Variants in SLC24A2 observed in about 807,000 individuals in gnomAD.
The protein encoded by SLC24A2 is sodium/potassium/calcium exchanger 2.
A neutral mutation model predicts 62.0 loss-of-function variants in SLC24A2; 36 were observed. The ratio of observed to expected loss-of-function variants is 0.58; its 90% CI spans 0.44 to 0.77. The LOEUF (loss-of-function observed/expected upper bound fraction) is 0.77, where lower values mean the gene tolerates loss of function less well. SLC24A2 is among the 30% of genes least tolerant of loss of function. The pLI, the probability that SLC24A2 is intolerant of heterozygous loss-of-function variation, is 0.00. For missense variants in SLC24A2, 846 were observed against 817.9 expected, an observed-to-expected ratio of 1.03 and a Z score of -0.42; for synonymous variants, 358 against 294.0, an observed-to-expected ratio of 1.22 and a Z score of -2.23.
the SLC24A2 span, among the ~76,000 whole-genome samples, chr9:20,098,782 T>A: frequency 6.6e-6 from 1 of 152,204 alleles, no homozygotes; most frequent in Non-Finnish European, 1.5e-5. Context: ...AAGGGAAAGA[T>A]ATGGTTAAAT....
rs1027461804 is a variant in SLC24A2 at position 19,631,152 on chromosome 9, T to C, written c.931-8853A>G. ...TGATATTATTCCACAGTACCTAGCA[T>C]AGTGGTGCTCAATGCTCAGTAAATG... is the stretch of plus-strand genomic sequence containing the variant. On this transcript the variant is annotated intron_variant, in intron 2 of 10. Transcript: ENST00000341998. Among the ~76,000 whole-genome samples, 126 of 152,238 alleles carry C rather than the reference T, an allele frequency of 8.3e-4. 5 individuals carry two copies. Among genetic ancestry groups the C allele is most frequent in the Non-Finnish European group, 4.4e-5 (3 of 68,032 alleles).
the SLC24A2 span, among the ~76,000 whole-genome samples, chr9:19,930,463 A>G: frequency 6.6e-5 from 10 of 152,210 alleles, no homozygotes; most frequent in Admixed American, 5.9e-4. Context: ...TTCGTGTAAC[A>G]CAATGACAAA....
At chr9:19,903,323 CAGAG>C in the SLC24A2 span, among the ~76,000 whole-genome samples, 1 of 151,446 alleles carries the variant, frequency 6.6e-6, no homozygotes, top group African/African-American at 2.4e-5. Context: ...CAGAGAGAAA[CAGAG>C]AGAGAGAGAG....
At chr9:19,518,717 G>A (rs1833054897) in intron 10 of SLC24A2, among the ~76,000 whole-genome samples, 1 of 152,056 alleles carries the variant, frequency 6.6e-6, no homozygotes, top group Non-Finnish European at 1.5e-5. Flanking sequence ...ACTGCGCCCT[G>A]GAGCCTTATT....
At chr9:19,742,563 A>C (rs1309926562) in intron 2 of SLC24A2, among the ~76,000 whole-genome samples, 1 of 152,128 alleles carries the variant, frequency 6.6e-6, no homozygotes, top group African/African-American at 2.4e-5. Context: ...CCTGTTCTTA[A>C]ATTTTTTTTT....
At chr9:19,782,418 C>A (rs1209557247) in intron 2 of SLC24A2, among the ~76,000 whole-genome samples, 1 of 152,194 alleles carries the variant, frequency 6.6e-6, no homozygotes, top group Non-Finnish European at 1.5e-5. Context: ...ATGAGCTACT[C>A]ACTTTAAGCA....
At position 19,713,292 on chromosome 9, in the gene SLC24A2, G is replaced by A. The variant is rs142967080; in HGVS notation, c.930+72645C>T. On this transcript the variant is annotated intron_variant, in intron 2 of 10. Coordinates refer to ENST00000341998, the MANE Select transcript of SLC24A2 (RefSeq NM_020344.4). ...GAGAGACAGGAAGTTTGCATTCTGG[G>A]AGAATGGACACATGTCACAAGCAGA... Among the ~76,000 whole-genome samples the A allele has an allele frequency of 2.6e-3, 393 of 152,168 alleles. 3 individuals carry two copies. The highest frequency in any genetic ancestry group is 8.9e-3 in the African/African-American group (371 of 41,526).
intron 2 of SLC24A2, among the ~76,000 whole-genome samples, chr9:19,636,294 CTTTTCTTTTCTT>C (rs1564009479): frequency 0.023 from 997 of 43,352 alleles, 37 homozygotes; most frequent in Middle Eastern, 0.065. Flanking sequence ...CTCTTCTTTT[CTTTTCTTTTCTT>C]TTCTTTTCTT....
At chr9:19,598,879 T>G (rs1836773180) in intron 4 of SLC24A2, among the ~76,000 whole-genome samples, 1 of 152,206 alleles carries the variant, frequency 6.6e-6, no homozygotes, top group Non-Finnish European at 1.5e-5. Context: ...ACAAATCACA[T>G]CAGCCAACTA....
intron 2 of SLC24A2, among the ~76,000 whole-genome samples, chr9:19,746,796 C>G (rs1451647496): frequency 6.6e-6 from 1 of 152,106 alleles, no homozygotes; most frequent in Non-Finnish European, 1.5e-5. Context: ...TCACACTTAT[C>G]TTGTTGATTT....
At chr9:20,015,631 A>G in the SLC24A2 span, among the ~76,000 whole-genome samples, 1 of 152,216 alleles carries the variant, frequency 6.6e-6, no homozygotes, top group East Asian at 1.9e-4. Flanking sequence ...ACTTAGTACA[A>G]AAATACTACA....
chr9:19,542,730 G>T (rs187106842), intron 8 of SLC24A2, among the ~76,000 whole-genome samples: 8 of 152,288 alleles, frequency 5.3e-5, no homozygotes. Context: ...GTATGTGATG[G>T]ATTACATTTA....
chr9:20,036,185 T>A, the SLC24A2 span, among the ~76,000 whole-genome samples: 1 of 152,240 alleles, frequency 6.6e-6, no homozygotes, highest in African/African-American at 2.4e-5. Context: ...TAATTCAGAT[T>A]GTATTTTCAT....
the SLC24A2 span, among the ~76,000 whole-genome samples, chr9:20,184,446 G>C: frequency 4.6e-5 from 7 of 152,316 alleles, no homozygotes; most frequent in South Asian, 2.1e-4. Flanking sequence ...CTACTCAGGA[G>C]GCTGAGGCAG....
rs143009073 is a variant in SLC24A2, at chr9:19,679,736, C to A, written c.931-57437G>T. Among the ~76,000 whole-genome samples the A allele has an allele frequency of 5.5e-3, 844 of 152,168 alleles. 5 individuals carry two copies. Among genetic ancestry groups the A allele is most frequent in the Middle Eastern group, 0.02 (6 of 294 alleles). ...CCTTCAGATCTGGAATGAATCACAC[C>A]ACTGGCTTTCTTCGTTCTCCATCTT... On this transcript the variant is annotated intron_variant, in intron 2 of 10. Coordinates refer to ENST00000341998, the MANE Select transcript of SLC24A2 (RefSeq NM_020344.4).
At chr9:19,539,515 T>C (rs974152059) in intron 8 of SLC24A2, among the ~76,000 whole-genome samples, 6 of 143,844 alleles carry the variant, frequency 4.2e-5, no homozygotes, top group South Asian at 2.3e-4. Context: ...TTGAGCGGCT[T>C]TGAGTGAGAT....
intron 2 of SLC24A2, among the ~76,000 whole-genome samples, chr9:19,726,891 C>A (rs1474760098): frequency 6.6e-6 from 1 of 152,106 alleles, no homozygotes; most frequent in African/African-American, 2.4e-5. Context: ...AATGAATGCT[C>A]CTGGGTACAT....
chr9:19,959,668 A>G, the SLC24A2 span, among the ~76,000 whole-genome samples: 210 of 152,362 alleles, frequency 1.4e-3, 4 homozygotes, highest in South Asian at 0.041. Flanking sequence ...ATTCAAAACT[A>G]GAAAATAACA....
chr9:20,076,522 C>T, the SLC24A2 span, among the ~76,000 whole-genome samples: 1 of 152,092 alleles, frequency 6.6e-6, no homozygotes, highest in Non-Finnish European at 1.5e-5. Flanking sequence ...ACACCAGAAG[C>T]TGGGAAGAGG....
Sources: gnomAD v4.1 joint callset for allele counts (sites outside exome capture counted in the v4.1 genomes callset) on GRCh38, gnomAD v4.1.1 for gene constraint, MANE v1.5 for transcripts, NCBI Gene and HGNC (gene_info 2026-07-23, HGNC 2026-07-21) for gene names.